Variants in TIAM1 observed in about 807,000 individuals in gnomAD.
TIAM1 encodes the protein rho guanine nucleotide exchange factor TIAM1.
In TIAM1, 65 loss-of-function variants were observed where a neutral mutation model predicts 163.5. The observed-to-expected ratio is 0.40, with a 90% confidence interval of 0.33 to 0.49. TIAM1 has a LOEUF of 0.49. Among genes scored for constraint, TIAM1 ranks in the 20% least tolerant of loss-of-function variants. The pLI is 0.77. For synonymous variants in TIAM1, 833 were observed against 810.1 expected, an observed-to-expected ratio of 1.03 and a Z score of -0.48; for missense variants, 1,789 against 2,044.7, an observed-to-expected ratio of 0.87 and a Z score of 2.41.
chr21:31,404,270 A>T (rs960059718), intron 2 of TIAM1, among the ~76,000 whole-genome samples: 1 of 152,342 alleles, frequency 6.6e-6, no homozygotes, highest in East Asian at 1.9e-4. Flanking sequence ...GGAGTTCAAG[A>T]CCATAAATGA....
In TIAM1 at chr21:31,252,153, T is replaced by C. The variant is rs1344877764; in HGVS notation, c.1000A>G (p.Ser334Gly). Residue 334 changes from serine to glycine, a missense_variant, in exon 5 of 28, where the codon AGT (serine) becomes GGT (glycine). Ser to Gly is a moderately conservative substitution (Grantham distance 56). Coordinates refer to ENST00000541036, the MANE Select transcript of TIAM1 (RefSeq NM_001353694.2). ...TCGGTAGTGGCCCCTTCAATCCCAC[T>C]GTCTGCAAACTCACTGCCCTCGCCT... ...NAGEGSEFAD[S>G]GIEGATTDTD... The C allele has an allele frequency of 1.9e-6, 3 of 1,610,006 alleles. No homozygotes were observed. Among genetic ancestry groups the C allele is most frequent in the Non-Finnish European group, 8.5e-7 (1 of 1,179,972 alleles).
At chr21:31,337,750 G>C (rs980625627) in intron 2 of TIAM1, among the ~76,000 whole-genome samples, 1 of 151,704 alleles carries the variant, frequency 6.6e-6, no homozygotes. Flanking sequence ...AGACTGGCTC[G>C]GACTCTTGAC....
At chr21:31,370,236 C>T (rs1031997001) in intron 2 of TIAM1, among the ~76,000 whole-genome samples, 4 of 152,144 alleles carry the variant, frequency 2.6e-5, no homozygotes, top group Middle Eastern at 3.4e-3. Flanking sequence ...ATTTGGATCA[C>T]GATTCAAAAA....
intron 11 of TIAM1, among the ~76,000 whole-genome samples, chr21:31,204,109 C>T (rs2086335838): frequency 7.2e-6 from 1 of 139,134 alleles, no homozygotes; most frequent in African/African-American, 3.1e-5. Flanking sequence ...CAAGAGGATA[C>T]AGGGAAAAAA....
chr21:31,174,905 C>A (rs1449728915), intron 15 of TIAM1, among the ~76,000 whole-genome samples: 1 of 152,170 alleles, frequency 6.6e-6, no homozygotes, highest in East Asian at 1.9e-4. Flanking sequence ...CTCAGCCTCC[C>A]AACGTGCTGG....
intron 2 of TIAM1, among the ~76,000 whole-genome samples, chr21:31,429,905 G>C (rs2043939432): frequency 6.6e-6 from 1 of 152,050 alleles, no homozygotes; most frequent in Non-Finnish European, 1.5e-5. Flanking sequence ...ACTTCTTTCA[G>C]CTCCCAAAGT....
chr21:31,482,060 A>AGTGTGTGTGTGT (rs10523425), intron 1 of TIAM1, among the ~76,000 whole-genome samples: 3,157 of 145,624 alleles, frequency 0.022, 67 homozygotes, highest in African/African-American at 0.047. Flanking sequence ...ACTGGGACAA[A>AGTGTGTGTGTGT]GTGTGTGTGT....
At chr21:31,357,368 G>T (rs979226427) in intron 2 of TIAM1, among the ~76,000 whole-genome samples, 1 of 152,130 alleles carries the variant, frequency 6.6e-6, no homozygotes, top group African/African-American at 2.4e-5. Context: ...TGAGAAAAAT[G>T]AAGCAATCAG....
At position 31,120,581 on chromosome 21, in the gene TIAM1, G is replaced by A. The variant is rs763709774; in HGVS notation, c.4563C>T (p.Asp1521=). 1.2e-6 allele frequency: 2 copies of A among 1,614,190 alleles called. No homozygotes were observed. Among genetic ancestry groups the A allele is most frequent in the Non-Finnish European group, 1.7e-6 (2 of 1,180,046 alleles). The part of the protein sequence containing the change: ...FCESVKGASV[D]RDLQERLQAT... ...CCTGAAGCCGCTCCTGCAGGTCTCT[G>A]TCCACTGAGGCACCCTTCACGGACT... Residue 1521 remains aspartate, a synonymous_variant, in exon 28 of 28, where the codon GAC becomes GAT. Transcript: ENST00000541036. The surrounding 1 kb of genome is among the most constrained non-coding windows in gnomAD (Gnocchi z 4.2).
At position 31,266,781 on chromosome 21, in the gene TIAM1, G is replaced by A. The variant is rs771536941; in HGVS notation, c.192C>T (p.Ile64=). The change falls in exon 4 of 28, where the codon ATC becomes ATT. Residue 64 remains isoleucine (I), a synonymous_variant. Coordinates refer to ENST00000541036, the MANE Select transcript of TIAM1 (RefSeq NM_001353694.2). The stretch of plus-strand genomic sequence containing the variant: ...GGCCATTTTCAGCCAGGGACTGGGG[G>A]ATGCTGGGGGTGCTGCTGGATCGGG... ...VSTRSSSTPS[I]PQSLAENGLE... 1 of 1,614,226 alleles carries A rather than the reference G, an allele frequency of 6.2e-7. No individual in the cohort carries two copies. The highest frequency in any genetic ancestry group is 8.5e-7 in the Non-Finnish European group (1 of 1,180,040).
chr21:31,162,372 C>T (rs549594173), intron 16 of TIAM1, among the ~76,000 whole-genome samples: 1 of 152,254 alleles, frequency 6.6e-6, no homozygotes, highest in African/African-American at 2.4e-5. Context: ...CCAAGAACTG[C>T]TCATTTAAGC....
At chr21:31,257,890 C>T (rs1255397609) in intron 4 of TIAM1, among the ~76,000 whole-genome samples, 1 of 151,776 alleles carries the variant, frequency 6.6e-6, no homozygotes, top group Non-Finnish European at 1.5e-5. Context: ...CACAGCATCT[C>T]CTCTCCCACC....
At chr21:31,351,527 G>C (rs1040107524) in intron 2 of TIAM1, among the ~76,000 whole-genome samples, 3 of 152,120 alleles carry the variant, frequency 2.0e-5, no homozygotes, top group Admixed American at 2.0e-4. Context: ...AGAAATTCTT[G>C]GCTAAGCTCC....
At chr21:31,194,611 T>C (rs951276063) in intron 13 of TIAM1, among the ~76,000 whole-genome samples, 4 of 152,216 alleles carry the variant, frequency 2.6e-5, no homozygotes, top group African/African-American at 9.6e-5. Context: ...GAATCACTCA[T>C]GCTGGATGCC....
intron 1 of TIAM1, among the ~76,000 whole-genome samples, chr21:31,481,638 TTACTAC>T (rs969866531): frequency 3.9e-5 from 6 of 152,080 alleles, no homozygotes; most frequent in Non-Finnish European, 5.9e-5. Context: ...AACACCTGAC[TTACTAC>T]TACTGTTTTA....
intron 2 of TIAM1, among the ~76,000 whole-genome samples, chr21:31,308,316 C>T (rs9977294): frequency 0.21 from 32,583 of 151,960 alleles, 4,162 homozygotes; most frequent in Middle Eastern, 0.38. Flanking sequence ...AGGTAACCTC[C>T]GTCTCATTTC....
intron 3 of TIAM1, among the ~76,000 whole-genome samples, chr21:31,273,235 C>T (rs1462796874): frequency 1.3e-5 from 2 of 152,130 alleles, no homozygotes; most frequent in Non-Finnish European, 1.5e-5. Flanking sequence ...AACAAAAACT[C>T]TGGATCAGAC....
intron 1 of TIAM1, among the ~76,000 whole-genome samples, chr21:31,554,304 C>T (rs2048797098): frequency 6.6e-6 from 1 of 152,166 alleles, no homozygotes; most frequent in African/African-American, 2.4e-5. Context: ...GCATTAGAGT[C>T]CTTTGCTCTT....
At chr21:31,528,472 C>T (rs1364541388) in intron 1 of TIAM1, among the ~76,000 whole-genome samples, 5 of 151,604 alleles carry the variant, frequency 3.3e-5, no homozygotes, top group East Asian at 1.9e-4. Context: ...GAGCTAGGAT[C>T]GCGCCTCCAT....
Sources: allele counts gnomAD v4.1 joint callset (sites outside exome capture counted in the v4.1 genomes callset), GRCh38; gene constraint gnomAD v4.1.1; non-coding constraint Gnocchi (gnomAD v3.1); transcripts MANE v1.5; gene names NCBI Gene and HGNC (gene_info 2026-07-23, HGNC 2026-07-21).